The following CLIC5 variants were observed in gnomAD, a reference collection of about 807,000 sequenced individuals.
CLIC5 encodes chloride intracellular channel protein 5.
In CLIC5, 20 loss-of-function variants were observed where a neutral mutation model predicts 24.7. The ratio of observed to expected loss-of-function variants is 0.81; its 90% CI spans 0.57 to 1.18. The LOEUF is 1.18. CLIC5 is among the 50% of genes most tolerant of loss of function. The pLI is 0.00. For synonymous variants in CLIC5, 159 were observed against 135.6 expected (o/e 1.17, Z -1.20); for missense variants, 341 against 326.1 (o/e 1.05, Z -0.35).
At chr6:46,095,063 A>T in the CLIC5 span, among the ~76,000 whole-genome samples, 1 of 152,206 alleles carries the variant, frequency 6.6e-6, no homozygotes, top group South Asian at 2.1e-4. Flanking sequence ...CAGCCTGAGC[A>T]ATACCCAGGC....
Position 46,054,574 on chromosome 6 carries a change from C to A in CLIC5, c.540+25129G>T, listed in dbSNP as rs1267394151. On this transcript the variant is annotated intron_variant, in intron 1 of 5. Transcript: ENST00000185206. ...TTATAGACTATTTGTGTCTCCCCCACACCCCTGACAACAAATTCATATGTT... is the reference window on the plus strand; with the variant it reads ...TTATAGACTATTTGTGTCTCCCCCAAACCCCTGACAACAAATTCATATGTT... Among the ~76,000 whole-genome samples, 4 of 152,224 alleles carry A rather than the reference C, an allele frequency of 2.6e-5. No individual in the cohort carries two copies. In the East Asian group the frequency reaches 7.7e-4, roughly 29 times the overall value.
chr6:46,105,603 C>T, the CLIC5 span, among the ~76,000 whole-genome samples: 2 of 152,132 alleles, frequency 1.3e-5, no homozygotes, highest in African/African-American at 2.4e-5. Context: ...GTGACTCAGG[C>T]CCCTTAAGAA....
At chr6:46,091,265 C>T in the CLIC5 span, among the ~76,000 whole-genome samples, 4 of 152,280 alleles carry the variant, frequency 2.6e-5, no homozygotes, top group African/African-American at 9.6e-5. Flanking sequence ...CCTAACCCAC[C>T]AACCTCTTGC....
At chr6:46,114,199 T>A in the CLIC5 span, among the ~76,000 whole-genome samples, 1 of 152,204 alleles carries the variant, frequency 6.6e-6, no homozygotes, top group Non-Finnish European at 1.5e-5. Context: ...AGCTCTGCTT[T>A]AAGTCTCTAC....
intron 4 of CLIC5, among the ~76,000 whole-genome samples, chr6:45,924,782 C>A (rs1276152268): frequency 6.6e-6 from 1 of 150,984 alleles, no homozygotes; most frequent in Admixed American, 6.6e-5. Flanking sequence ...TATATATTTT[C>A]AGGGTAGCAA....
At chr6:45,985,519 G>A (rs2127418256) in intron 1 of CLIC5, among the ~76,000 whole-genome samples, 1 of 152,200 alleles carries the variant, frequency 6.6e-6, no homozygotes, top group African/African-American at 2.4e-5. Flanking sequence ...TTTCTTAGCA[G>A]CTGGGTTGGA....
In CLIC5 at chr6:45,949,236, A is replaced by G. The variant is rs1167245800; in HGVS notation, c.299+20T>C. On this transcript the variant is annotated intron_variant, in intron 3 of 5. Transcript: ENST00000339561. ...TGAACCCTTCCCATTCAACAGCCCC[A>G]GAAAGAAACAGATCCTTACTTTTCA... 1.2e-6 allele frequency: 2 copies of G among 1,609,116 alleles called. No individual in the cohort carries two copies. The highest frequency in any genetic ancestry group is 1.7e-6 in the Non-Finnish European group (2 of 1,177,342).
At chr6:45,942,263 A>G (rs1764157469) in intron 3 of CLIC5, among the ~76,000 whole-genome samples, 1 of 152,112 alleles carries the variant, frequency 6.6e-6, no homozygotes, top group Admixed American at 6.6e-5. Context: ...CAATTGTTTT[A>G]TTTTATTTTA....
chr6:45,891,066 G>A (rs1762343505), intron 6 of CLIC5, among the ~76,000 whole-genome samples: 1 of 152,130 alleles, frequency 6.6e-6, no homozygotes, highest in African/African-American at 2.4e-5. Context: ...TGAAAAAAGA[G>A]GATTTTAAGC....
chr6:46,084,229 A>C (rs1221147621), upstream of CLIC5, among the ~76,000 whole-genome samples: 3 of 152,096 alleles, frequency 2.0e-5, no homozygotes, highest in Non-Finnish European at 4.4e-5. Flanking sequence ...CTCTTTATCC[A>C]ATTTGCCAGT....
intron 1 of CLIC5, among the ~76,000 whole-genome samples, chr6:45,985,809 C>T (rs1765715426): frequency 6.6e-6 from 1 of 152,078 alleles, no homozygotes; most frequent in African/African-American, 2.4e-5. Context: ...AGTTGTTCTC[C>T]CATGTATAGG....
At chr6:45,981,073 C>G (rs568710517) in intron 1 of CLIC5, among the ~76,000 whole-genome samples, 1 of 152,008 alleles carries the variant, frequency 6.6e-6, no homozygotes, top group Non-Finnish European at 1.5e-5. Flanking sequence ...AGGGCTCAAG[C>G]GATCTTCCCA....
the CLIC5 span, among the ~76,000 whole-genome samples, chr6:46,100,623 T>C: frequency 2.6e-5 from 4 of 152,212 alleles, no homozygotes; most frequent in South Asian, 2.1e-4. Context: ...TGAACATCAT[T>C]GTATTCTAAT....
At chr6:45,920,748 A>G in intron 4 of CLIC5, 1 of 712,452 alleles carries the variant, frequency 1.4e-6, no homozygotes, top group Non-Finnish European at 1.7e-6. Flanking sequence ...AAGATCCAGG[A>G]GCAAGCGGGA....
chr6:45,987,218 A>T (rs1197167934), intron 1 of CLIC5, among the ~76,000 whole-genome samples: 1 of 152,114 alleles, frequency 6.6e-6, no homozygotes, highest in African/African-American at 2.4e-5. Flanking sequence ...ACTCTACAAA[A>T]CCTTTCCTGA....
At chr6:46,101,528 A>G in the CLIC5 span, among the ~76,000 whole-genome samples, 1 of 152,222 alleles carries the variant, frequency 6.6e-6, no homozygotes, top group Non-Finnish European at 1.5e-5. Context: ...ATCAAAAGAC[A>G]AAAAGCAAGT....
At chr6:45,997,176 A>G (rs916361919) in intron 1 of CLIC5, among the ~76,000 whole-genome samples, 1,587 of 151,270 alleles carry the variant, frequency 0.01, 28 homozygotes, top group African/African-American at 0.035. Context: ...ATGCAGCCAT[A>G]AAAAATGATG....
At chr6:46,090,405 G>GTT in the CLIC5 span, among the ~76,000 whole-genome samples, 701 of 130,872 alleles carry the variant, frequency 5.4e-3, 4 homozygotes, top group East Asian at 0.025. Flanking sequence ...AACTTGATGG[G>GTT]TTTTTTTTTT....
At chr6:45,930,457 A>T (rs981459409) in intron 4 of CLIC5, among the ~76,000 whole-genome samples, 3 of 152,160 alleles carry the variant, frequency 2.0e-5, no homozygotes, top group Non-Finnish European at 4.4e-5. Flanking sequence ...CAGATAATGG[A>T]AGGTGGCTTT....
Sources: allele counts gnomAD v4.1 joint callset (sites outside exome capture counted in the v4.1 genomes callset), GRCh38; gene constraint gnomAD v4.1.1; transcripts MANE v1.5; gene names NCBI Gene and HGNC (gene_info 2026-07-23, HGNC 2026-07-21).